The following ARFGEF2 variants were observed in gnomAD, a reference collection of about 807,000 sequenced individuals.
The protein encoded by ARFGEF2 is ARF guanine nucleotide exchange factor 2.
Under a neutral mutation model 219.9 loss-of-function variants are expected in ARFGEF2, and 74 were observed. That is an observed-to-expected ratio of 0.34 (90% CI 0.28 to 0.41). The LOEUF (loss-of-function observed/expected upper bound fraction) is 0.41, where lower values mean the gene tolerates loss of function less well. Among genes scored for constraint, ARFGEF2 ranks in the 10% least tolerant of loss-of-function variants. The pLI, the probability that ARFGEF2 is intolerant of heterozygous loss-of-function variation, is 1.00. For missense variants in ARFGEF2, 1,743 were observed against 2,218.3 expected, an observed-to-expected ratio of 0.79 and a Z score of 4.30; for synonymous variants, 733 against 799.2, an observed-to-expected ratio of 0.92 and a Z score of 1.40.
intron 26 of ARFGEF2, among the ~76,000 whole-genome samples, chr20:49,009,192 G>A (rs2091481451): frequency 6.6e-6 from 1 of 152,162 alleles, no homozygotes; most frequent in African/African-American, 2.4e-5. Flanking sequence ...CTTATGTTGT[G>A]TAGTCAGTCC....
At chr20:48,973,697 G>T (rs2091242724) in intron 12 of ARFGEF2, among the ~76,000 whole-genome samples, 1 of 152,142 alleles carries the variant, frequency 6.6e-6, no homozygotes, top group Non-Finnish European at 1.5e-5. Flanking sequence ...CCTCATTAGA[G>T]CACCTACAAA....
intron 28 of ARFGEF2, among the ~76,000 whole-genome samples, chr20:49,012,614 A>G (rs2091506440): frequency 6.6e-6 from 1 of 152,184 alleles, no homozygotes; most frequent in Admixed American, 6.5e-5. Flanking sequence ...CTAAACTATG[A>G]TGTCCTGTGT....
intron 6 of ARFGEF2, among the ~76,000 whole-genome samples, chr20:48,954,932 G>T (rs753460506): frequency 6.6e-6 from 1 of 152,090 alleles, no homozygotes; most frequent in Non-Finnish European, 1.5e-5. Flanking sequence ...CCCTTATTAA[G>T]CTGTGATCAG....
At chr20:49,022,274 T>G (rs1423452126) in intron 34 of ARFGEF2, among the ~76,000 whole-genome samples, 2 of 151,722 alleles carry the variant, frequency 1.3e-5, no homozygotes, top group Non-Finnish European at 2.9e-5. Flanking sequence ...AAACTGAGCT[T>G]CTTGGCCAGG....
intron 8 of ARFGEF2, among the ~76,000 whole-genome samples, chr20:48,966,345 C>T (rs1344798410): frequency 6.6e-6 from 1 of 152,172 alleles, no homozygotes; most frequent in South Asian, 2.1e-4. Flanking sequence ...CTTTCCTTCT[C>T]TGTATTGAAA....
At position 49,032,779 on chromosome 20, in the gene ARFGEF2, G is replaced by C. The variant is rs143039484; in HGVS notation, c.5182-244G>C. ...GCTAAGTTTTTGTATTTTTGGTAGA[G>C]ACAGGGTTTCACCGTGTTGCCTAGG... On this transcript the variant is annotated intron_variant, in intron 38 of 38. Coordinates refer to ENST00000371917, the MANE Select transcript of ARFGEF2 (RefSeq NM_006420.3). 1.4e-3 allele frequency among the ~76,000 whole-genome samples: 214 copies of C among 152,084 alleles called. 1 individual carries two copies. Among genetic ancestry groups the C allele is most frequent in the Middle Eastern group, 6.8e-3 (2 of 294 alleles).
intron 1 of ARFGEF2, among the ~76,000 whole-genome samples, chr20:48,923,283 A>G (rs972841691): frequency 9.9e-5 from 15 of 152,234 alleles, no homozygotes; most frequent in African/African-American, 3.4e-4. Flanking sequence ...TTTGATTTTT[A>G]GTCACATAGT....
chr20:49,034,503 C>G lies in ARFGEF2; in HGVS notation c.*1304C>G, dbSNP rs886056763. 1 of 152,234 alleles carries G rather than the reference C, an allele frequency of 6.6e-6. No homozygotes were observed. Among genetic ancestry groups the G allele is most frequent in the Non-Finnish European group, 1.5e-5 (1 of 68,060 alleles). 9.4% of individuals were successfully genotyped at this position (152,234 alleles called of 1,614,324 possible). ...TGTGAGCAGTATACGTGGATGCTCA[C>G]CCATGAGAAGGAGCACACACGCCTC... On this transcript the variant is annotated 3_prime_UTR_variant, in exon 39 of 39. Transcript: ENST00000371917.
In ARFGEF2 at chr20:49,005,132, C is replaced by T. The variant is rs2091449829; in HGVS notation, c.3495C>T (p.Ser1165=). Residue 1165 remains serine (S), a synonymous_variant, in exon 26 of 39, where the codon TCC becomes TCT. Coordinates refer to ENST00000371917, the MANE Select transcript of ARFGEF2 (RefSeq NM_006420.3). ...CTGTTGACTCATTAAGGCAACTCTC[C>T]ATGAAGTTTCTTGAGAAGGGTGAAT... ...IFAVDSLRQL[S]MKFLEKGELA... 6.2e-7 allele frequency: 1 copy of T among 1,614,162 alleles called. No homozygotes were observed. Among genetic ancestry groups the T allele is most frequent in the South Asian group, 1.1e-5 (1 of 91,082 alleles).
intron 31 of ARFGEF2, among the ~76,000 whole-genome samples, 157 bp downstream of exon 31, chr20:49,016,572 GC>G (rs11481871): frequency 1.7e-4 from 25 of 151,508 alleles, no homozygotes; most frequent in African/African-American, 4.9e-4. Context: ...AAAAAACAGT[GC>G]CCCCCCCAAG....
chr20:48,991,603 G>A (rs2091357869), intron 21 of ARFGEF2, among the ~76,000 whole-genome samples: 1 of 152,062 alleles, frequency 6.6e-6, no homozygotes, highest in South Asian at 2.1e-4. Context: ...GAGAGTGCCA[G>A]TGAATTCACA....
At chr20:48,941,842 C>T in intron 2 of ARFGEF2, 22 bp from the exon 3 acceptor site, 1 of 1,614,170 alleles carries the variant, frequency 6.2e-7, no homozygotes, top group Middle Eastern at 1.6e-4. Flanking sequence ...CTTCTCCCGA[C>T]CCTCTCTTGC....
intron 6 of ARFGEF2, among the ~76,000 whole-genome samples, chr20:48,962,368 G>A (rs912980680): frequency 6.6e-6 from 1 of 152,176 alleles, no homozygotes; most frequent in African/African-American, 2.4e-5. Flanking sequence ...CGGCTATGAT[G>A]TCACTAGACG....
chr20:48,960,773 G>C (rs1486151796), intron 6 of ARFGEF2, among the ~76,000 whole-genome samples: 1 of 150,354 alleles, frequency 6.7e-6, no homozygotes, highest in Non-Finnish European at 1.5e-5. Context: ...ATGAGCCACT[G>C]TGCCCAGCCT....
In ARFGEF2 at chr20:48,951,841, C is replaced by T. The variant is rs539755950; in HGVS notation, c.423+372C>T. Among the ~76,000 whole-genome samples the T allele has an allele frequency of 3.3e-5, 5 of 152,230 alleles. No individual in the cohort carries two copies. The East Asian group carries it at 5.8e-4, about 18-fold the overall frequency. ...TACTTCCCTGTTCGATTTCTGCTGC[C>T]AGGAATGGTTTGGCACAGATAGTAC... On this transcript the variant is annotated intron_variant, in intron 4 of 38. Coordinates refer to ENST00000371917, the MANE Select transcript of ARFGEF2 (RefSeq NM_006420.3).
chr20:48,973,043 C>A, intron 11 of ARFGEF2, 102 bp from the exon 12 acceptor site: 1 of 1,340,062 alleles, frequency 7.5e-7, no homozygotes, highest in Non-Finnish European at 1.1e-6. Flanking sequence ...CCACCGGAGT[C>A]TGTAGTTCAC....
chr20:48,972,854 C>CA (rs2091236776), intron 11 of ARFGEF2, among the ~76,000 whole-genome samples: 1 of 152,132 alleles, frequency 6.6e-6, no homozygotes, highest in Non-Finnish European at 1.5e-5. Context: ...GTAAGAGTGA[C>CA]ACAACTTTAA....
intron 2 of ARFGEF2, 90 bp from the exon 3 acceptor site, chr20:48,941,774 T>C: frequency 6.3e-7 from 1 of 1,594,356 alleles, no homozygotes; most frequent in Non-Finnish European, 8.6e-7. Context: ...GCAGGCACTT[T>C]AAATTAAATG....
At chr20:48,926,815 G>A (rs563821877) in intron 1 of ARFGEF2, among the ~76,000 whole-genome samples, 129 of 152,316 alleles carry the variant, frequency 8.5e-4, no homozygotes, top group Non-Finnish European at 1.6e-3. Context: ...CAAGGCTAAG[G>A]AAGAGAGCAA....
Sources: gnomAD v4.1 joint callset for allele counts (sites outside exome capture counted in the v4.1 genomes callset) on GRCh38, gnomAD v4.1.1 for gene constraint, MANE v1.5 for transcripts, NCBI Gene and HGNC (gene_info 2026-07-23, HGNC 2026-07-21) for gene names.